The following EPHB1 variants were observed in gnomAD, a reference collection of about 807,000 sequenced individuals.
The protein encoded by EPHB1 is ephrin type-B receptor 1.
Under a neutral mutation model 94.4 loss-of-function variants are expected in EPHB1, and 30 were observed. The ratio of observed to expected loss-of-function variants is 0.32; its 90% CI spans 0.24 to 0.43. The LOEUF is 0.43. EPHB1 is among the 20% of genes least tolerant of loss of function. The probability of loss-of-function intolerance (pLI) is 1.00; values close to 1 mark genes in which losing one functional copy is unlikely to be tolerated. For synonymous variants in EPHB1, 522 were observed against 489.1 expected, an observed-to-expected ratio of 1.07 and a Z score of -0.89; for missense variants, 1,055 against 1,308.3, an observed-to-expected ratio of 0.81 and a Z score of 2.99.
chr3:135,141,236 C>T (rs1025290096), intron 5 of EPHB1, among the ~76,000 whole-genome samples: 3 of 151,788 alleles, frequency 2.0e-5, no homozygotes, highest in Admixed American at 2.0e-4. Context: ...CCAGTCATGC[C>T]CCCTAAGAGC....
intron 3 of EPHB1, among the ~76,000 whole-genome samples, chr3:135,060,129 A>G (rs982622575): frequency 2.6e-5 from 4 of 152,254 alleles, no homozygotes; most frequent in African/African-American, 9.6e-5. Context: ...ATCTTATTAC[A>G]AAACATTTCT....
chr3:134,820,683 G>A (rs750539034), intron 1 of EPHB1, among the ~76,000 whole-genome samples: 1 of 151,958 alleles, frequency 6.6e-6, no homozygotes, highest in Admixed American at 6.6e-5. Context: ...GTTTGCCTGG[G>A]TTACCTACAG....
intron 1 of EPHB1, among the ~76,000 whole-genome samples, chr3:134,894,556 A>G (rs558569830): frequency 6.6e-6 from 1 of 152,344 alleles, no homozygotes; most frequent in Non-Finnish European, 1.5e-5. Flanking sequence ...AACACTGTTT[A>G]TAAAGCCCAG....
intron 2 of EPHB1, among the ~76,000 whole-genome samples, chr3:134,944,277 G>C (rs1353876840): frequency 6.6e-6 from 1 of 152,174 alleles, no homozygotes; most frequent in African/African-American, 2.4e-5. Context: ...GATTCATCAT[G>C]TTGCCGTACG....
intron 1 of EPHB1, among the ~76,000 whole-genome samples, chr3:134,805,600 C>T (rs559655035): frequency 8.1e-4 from 124 of 152,252 alleles, no homozygotes; most frequent in African/African-American, 2.9e-3. Context: ...TGTACACACA[C>T]ATGTCCACAG....
chr3:134,845,435 A>G (rs1047956500), intron 1 of EPHB1, among the ~76,000 whole-genome samples: 3 of 152,240 alleles, frequency 2.0e-5, no homozygotes, highest in Admixed American at 6.5e-5. Flanking sequence ...GGAGAAACAC[A>G]TCTAGTGGCA....
intron 4 of EPHB1, 67 bp downstream of exon 4, chr3:135,106,670 G>C (rs3732567): frequency 0.25 from 399,117 of 1,587,310 alleles, 60,400 homozygotes; most frequent in East Asian, 0.78. Context: ...GGTGGGTCTG[G>C]GGCAAGGAAG....
At chr3:135,233,221 C>G (rs1943572534) in intron 12 of EPHB1, among the ~76,000 whole-genome samples, 1 of 152,202 alleles carries the variant, frequency 6.6e-6, no homozygotes. Context: ...CCTGTAAAAT[C>G]AAAAGCAAAT....
intron 3 of EPHB1, among the ~76,000 whole-genome samples, chr3:135,072,435 G>A (rs1054058336): frequency 3.9e-5 from 6 of 152,138 alleles, no homozygotes; most frequent in South Asian, 2.1e-4. Flanking sequence ...TTAAGCCCCC[G>A]CAGTGACTTA....
At chr3:135,177,601 G>T (rs900884302) in intron 9 of EPHB1, among the ~76,000 whole-genome samples, 5 of 152,146 alleles carry the variant, frequency 3.3e-5, no homozygotes, top group Admixed American at 2.6e-4. Flanking sequence ...GACCCACAGT[G>T]GTCAGTGGCT....
chr3:134,941,081 A>G (rs1034815429), intron 2 of EPHB1, among the ~76,000 whole-genome samples: 1 of 152,134 alleles, frequency 6.6e-6, no homozygotes, highest in Non-Finnish European at 1.5e-5. Flanking sequence ...TTATTCATGG[A>G]GGTTATAATG....
intron 1 of EPHB1, among the ~76,000 whole-genome samples, chr3:134,913,354 C>T (rs1303457742): frequency 6.6e-6 from 1 of 152,164 alleles, no homozygotes; most frequent in Non-Finnish European, 1.5e-5. Context: ...TTTCATCTAA[C>T]ATCAGGCAAG....
rs201794236 is a variant in EPHB1, at chr3:134,869,746, G to GT, written c.59-56061dup. ...CTTACTCTATACAAAAGTGATAGCA[G>GT]TTTTTTTTTAGCAACTTGCATTTGT... On this transcript the variant is annotated intron_variant, in intron 1 of 15. Transcript: ENST00000398015. Among the ~76,000 whole-genome samples, 7 of 147,276 alleles carry GT rather than the reference G, an allele frequency of 4.8e-5. No individual in the cohort carries two copies. In the East Asian group the frequency reaches 5.9e-4, roughly 12 times the overall value.
chr3:135,032,286 T>C (rs548560347), intron 3 of EPHB1, among the ~76,000 whole-genome samples: 385 of 152,054 alleles, frequency 2.5e-3, no homozygotes, highest in Non-Finnish European at 3.6e-3. Flanking sequence ...TGATTTTTTT[T>C]TTCTTTTTTT....
intron 3 of EPHB1, among the ~76,000 whole-genome samples, chr3:135,017,626 G>T (rs1935847521): frequency 6.6e-6 from 1 of 152,096 alleles, no homozygotes; most frequent in South Asian, 2.1e-4. Flanking sequence ...GTGGTTGGTG[G>T]AGCTACTGTT....
chr3:135,183,026 T>TTTTCTTTTCTTTTCTTTTCTTTC (rs1553745483), intron 10 of EPHB1, among the ~76,000 whole-genome samples: 94 of 94,568 alleles, frequency 9.9e-4, no homozygotes, highest in East Asian at 2.7e-3. Context: ...TTTTCTTTTC[T>TTTTCTTTTCTTTTCTTTTCTTTC]TTTCTTTCTT....
intron 1 of EPHB1, among the ~76,000 whole-genome samples, chr3:134,828,043 T>C (rs889627901): frequency 6.6e-6 from 1 of 152,182 alleles, no homozygotes; most frequent in African/African-American, 2.4e-5. Flanking sequence ...TTTCAAACTT[T>C]CCTGAACTGA....
chr3:135,032,143 A>G (rs1445378510), intron 3 of EPHB1, among the ~76,000 whole-genome samples: 1 of 151,904 alleles, frequency 6.6e-6, no homozygotes, highest in Non-Finnish European at 1.5e-5. Context: ...TATCTGATAA[A>G]ATTTATTCTA....
chr3:134,975,782 G>C (rs902330480), intron 3 of EPHB1, among the ~76,000 whole-genome samples: 2 of 151,782 alleles, frequency 1.3e-5, no homozygotes, highest in Admixed American at 6.6e-5. Flanking sequence ...AAGAGGGCAG[G>C]GGGGGAGTGA....
Sources: allele counts gnomAD v4.1 joint callset (sites outside exome capture counted in the v4.1 genomes callset), GRCh38; gene constraint gnomAD v4.1.1; transcripts MANE v1.5; gene names NCBI Gene and HGNC (gene_info 2026-07-23, HGNC 2026-07-21).